PHLPP1: variants seen among roughly 807,000 people sequenced by gnomAD.
PHLPP1 encodes the protein PH domain and leucine rich repeat protein phosphatase 1.
PHLPP1 carries 42 observed loss-of-function variants against 117.2 expected under a neutral mutation model. That is an observed-to-expected ratio of 0.36 (90% CI 0.28 to 0.46). PHLPP1 has a LOEUF of 0.46. PHLPP1 is among the 20% of genes least tolerant of loss of function. The pLI, the probability that PHLPP1 is intolerant of heterozygous loss-of-function variation, is 1.00. For missense variants in PHLPP1, 2,084 were observed against 2,241.9 expected (o/e 0.93, Z 1.42); for synonymous variants, 1,042 against 970.7 (o/e 1.07, Z -1.37).
chr18:62,918,407 G>C (rs1909363500), intron 9 of PHLPP1, among the ~76,000 whole-genome samples: 1 of 136,274 alleles, frequency 7.3e-6, no homozygotes, highest in African/African-American at 2.9e-5. Context: ...TCACCTTTTA[G>C]TTATTTATGT....
chr18:62,854,693 C>CTTTTTT (rs5825495), intron 3 of PHLPP1, among the ~76,000 whole-genome samples: 1 of 85,018 alleles, frequency 1.2e-5, no homozygotes, highest in African/African-American at 4.4e-5. Context: ...GATCCTGCTA[C>CTTTTTT]TTTTTTTTTT....
intron 1 of PHLPP1, among the ~76,000 whole-genome samples, chr18:62,727,478 A>G (rs751425661): frequency 6.6e-6 from 1 of 151,860 alleles, no homozygotes; most frequent in Admixed American, 6.6e-5. Flanking sequence ...TTAGATGGGC[A>G]TGGTAGCATG....
At chr18:62,815,315 G>A (rs1439013020) in intron 1 of PHLPP1, among the ~76,000 whole-genome samples, 4 of 151,872 alleles carry the variant, frequency 2.6e-5, no homozygotes, top group African/African-American at 9.7e-5. Flanking sequence ...CCGCCACCAC[G>A]CCCGGCTAAT....
chr18:62,834,375 G>T (rs1914834331), intron 2 of PHLPP1, among the ~76,000 whole-genome samples: 1 of 152,130 alleles, frequency 6.6e-6, no homozygotes, highest in Non-Finnish European at 1.5e-5. Context: ...TATCTTTGCT[G>T]CAGGGGACAC....
At chr18:62,932,656 C>G (rs1157224074) in intron 10 of PHLPP1, among the ~76,000 whole-genome samples, 1 of 152,188 alleles carries the variant, frequency 6.6e-6, no homozygotes, top group Non-Finnish European at 1.5e-5. Flanking sequence ...CCACAGCCAA[C>G]ATCATACTGA....
At chr18:62,780,090 C>T (rs1005327366) in intron 1 of PHLPP1, among the ~76,000 whole-genome samples, 4 of 152,096 alleles carry the variant, frequency 2.6e-5, no homozygotes, top group Non-Finnish European at 5.9e-5. Context: ...TCATTTTGCG[C>T]TTGTGGGAAT....
At position 62,838,881 on chromosome 18, in the gene PHLPP1, A is replaced by G; in HGVS notation, c.1871A>G (p.Tyr624Cys). The change falls in exon 3 of 17, where the codon TAC (tyrosine) becomes TGC (cysteine). Residue 624 changes from tyrosine to cysteine, a missense_variant. This residue lies in a region of PHLPP1 where 1,365 missense variants were observed against 1,605.9 expected (regional missense o/e 0.85). Coordinates refer to ENST00000262719, the MANE Select transcript of PHLPP1 (RefSeq NM_194449.4). ...YYICFDTFTE[Y>C]LRWLRQVSKV... Reference sequence around the variant, plus strand: ...ATTTGCTTTGATACTTTCACAGAATACTTAAGGTGGCTGCGACAAGTCTCC... The same window carrying G: ...ATTTGCTTTGATACTTTCACAGAATGCTTAAGGTGGCTGCGACAAGTCTCC... 6.2e-7 allele frequency: 1 copy of G among 1,613,922 alleles called. No homozygotes were observed.
intron 1 of PHLPP1, among the ~76,000 whole-genome samples, chr18:62,782,732 A>G (rs1402919854): frequency 3.3e-5 from 5 of 152,182 alleles, no homozygotes; most frequent in Admixed American, 1.3e-4. Context: ...CTCCTATCCT[A>G]TAAATTCTTA....
Position 62,715,971 on chromosome 18 carries a change from C to T in PHLPP1, c.288C>T (p.Arg96=), listed in dbSNP as rs1910712269. ...GGGGTGCCGGGCGCAGGAGGCGGCG[C>T]GGGGCGCCCCAGCCCATTGCCGGCG... ...RAGGAGRRRR[R]GAPQPIAGGA... The change falls in exon 1 of 17, where the codon CGC becomes CGT. Residue 96 remains arginine, a synonymous_variant. Coordinates refer to ENST00000262719, the MANE Select transcript of PHLPP1 (RefSeq NM_194449.4). 3.3e-6 allele frequency: 4 copies of T among 1,222,424 alleles called. No homozygotes were observed. Among genetic ancestry groups the T allele is most frequent in the Non-Finnish European group, 4.1e-6 (4 of 982,088 alleles). 75.7% of individuals were successfully genotyped at this position (1,222,424 alleles called of 1,614,324 possible). A position where few individuals can be genotyped will look rare whatever the true frequency, so the allele number is the denominator to read the frequency against.
intron 12 of PHLPP1, among the ~76,000 whole-genome samples, chr18:62,947,901 C>G (rs1421044657): frequency 6.6e-6 from 1 of 152,068 alleles, no homozygotes; most frequent in African/African-American, 2.4e-5. Flanking sequence ...TGGTTGGCAC[C>G]TGTAATCCCA....
chr18:62,782,870 A>G (rs1479627921), intron 1 of PHLPP1, among the ~76,000 whole-genome samples: 1 of 151,748 alleles, frequency 6.6e-6, no homozygotes, highest in Non-Finnish European at 1.5e-5. Context: ...TTTCGGGGCA[A>G]AGCGCTATTT....
chr18:62,764,686 G>A (rs1232150204), intron 1 of PHLPP1, among the ~76,000 whole-genome samples: 1 of 152,222 alleles, frequency 6.6e-6, no homozygotes, highest in African/African-American at 2.4e-5. Context: ...TCACACTTAC[G>A]TCCTAGGGTT....
rs765005641 is a variant in PHLPP1, at chr18:62,978,653, G to A, written c.4376G>A (p.Arg1459Gln). Residue 1459 changes from arginine (R) to glutamine (Q), a missense_variant, in exon 17 of 17, where the codon CGG becomes CAG. By Grantham distance (43) the Arg-to-Gln change is conservative. This residue lies in a region of PHLPP1 where 1,365 missense variants were observed against 1,605.9 expected (regional missense o/e 0.85). Transcript: ENST00000262719. The surrounding 1 kb of genome is among the most constrained non-coding windows in gnomAD (Gnocchi z 7.0). ...PPSVNMVIKD[R>Q]PSDGLGVPSS... ...TCAGTGAACATGGTGATCAAGGATC[G>A]GCCCTCAGATGGGCTGGGCGTGCCG... The A allele has an allele frequency of 3.7e-6, 6 of 1,613,768 alleles. No homozygotes were observed. In the Admixed American group the frequency reaches 5.0e-5, roughly 13 times the overall value.
intron 4 of PHLPP1, among the ~76,000 whole-genome samples, chr18:62,872,373 G>A (rs955054049): frequency 1.4e-4 from 22 of 152,126 alleles, no homozygotes; most frequent in Non-Finnish European, 2.5e-4. Flanking sequence ...CTTTCACAAG[G>A]GAGTTTTGTT....
At chr18:62,778,472 G>C (rs1018040873) in intron 1 of PHLPP1, among the ~76,000 whole-genome samples, 9 of 152,100 alleles carry the variant, frequency 5.9e-5, no homozygotes, top group Non-Finnish European at 8.8e-5. Flanking sequence ...GAGGAGAATG[G>C]TAAGAGTAAA....
At chr18:62,901,990 A>G (rs636316) in intron 6 of PHLPP1, among the ~76,000 whole-genome samples, 89,984 of 152,014 alleles carry the variant, frequency 0.59, 26,859 homozygotes, top group Middle Eastern at 0.69. Context: ...GTAATGGAAA[A>G]TAGATGGTTT....
intron 4 of PHLPP1, among the ~76,000 whole-genome samples, chr18:62,874,657 GCACACACACACACACACA>G (rs71340125): frequency 1.4e-5 from 2 of 147,722 alleles, no homozygotes; most frequent in African/African-American, 2.5e-5. Context: ...ACGCACGCGC[GCACACACACACACACACA>G]CACACACACA....
chr18:62,817,040 C>T (rs1484347978), intron 1 of PHLPP1, among the ~76,000 whole-genome samples: 14 of 152,176 alleles, frequency 9.2e-5, no homozygotes, highest in Non-Finnish European at 1.5e-5. Context: ...TTCCTGGGCT[C>T]AGATGATCCT....
At chr18:62,916,091 T>C (rs1243920579) in intron 9 of PHLPP1, among the ~76,000 whole-genome samples, 1 of 152,144 alleles carries the variant, frequency 6.6e-6, no homozygotes, top group Non-Finnish European at 1.5e-5. Context: ...CCAGAAGATA[T>C]ACTTGCTTGG....
Sources: gnomAD v4.1 joint callset for allele counts (sites outside exome capture counted in the v4.1 genomes callset) on GRCh38, gnomAD v4.1.1 for gene constraint, gnomAD v4.1.1 regional missense constraint, Gnocchi (gnomAD v3.1) non-coding constraint, MANE v1.5 for transcripts, NCBI Gene and HGNC (gene_info 2026-07-23, HGNC 2026-07-21) for gene names.